Variants in SBK2 observed in about 807,000 individuals in gnomAD.
SBK2 encodes the protein serine/threonine-protein kinase SBK2.
A neutral mutation model predicts 15.9 loss-of-function variants in SBK2; 18 were observed. The ratio of observed to expected loss-of-function variants is 1.13; its 90% CI spans 0.78 to 1.68. The LOEUF is 1.68. SBK2 is among the 40% of genes most tolerant of loss of function. The probability of loss-of-function intolerance (pLI) is 0.00; values close to 1 mark genes in which losing one functional copy is unlikely to be tolerated. For synonymous variants in SBK2, 284 were observed against 246.8 expected (o/e 1.15, Z -1.41); for missense variants, 581 against 510.9 (o/e 1.14, Z -1.32).
intron 2 of SBK2, among the ~76,000 whole-genome samples, chr19:55,531,624 C>T (rs969560347): frequency 3.3e-5 from 5 of 152,164 alleles, no homozygotes; most frequent in African/African-American, 9.7e-5. Context: ...TGGGAGGATC[C>T]GTTGAGGCCA....
At chr19:55,532,793 G>A (rs1301647666) in intron 2 of SBK2, among the ~76,000 whole-genome samples, 1 of 151,730 alleles carries the variant, frequency 6.6e-6, no homozygotes, top group Non-Finnish European at 1.5e-5. Flanking sequence ...TTTTTTCCCT[G>A]ACACCAGAAA....
chr19:55,528,819 C>T lies in SBK2; in HGVS notation c.*914G>A, dbSNP rs574315530. Among the ~76,000 whole-genome samples, 154 of 152,270 alleles carry T rather than the reference C, an allele frequency of 1.0e-3. 3 individuals carry two copies. The highest frequency in any genetic ancestry group is 8.3e-3 in the South Asian group (40 of 4,828). On this transcript the variant is annotated 3_prime_UTR_variant, in exon 4 of 4. Coordinates refer to ENST00000413299, the MANE Select transcript of SBK2 (RefSeq NM_001370096.2). ...TTTCCTGATCCCTGCTGCAGGCCAT[C>T]GCTGAGTACATGGGGTCTGTCAGCA...
At position 55,529,225 on chromosome 19, in the gene SBK2, C is replaced by T. The variant is rs1337652406; in HGVS notation, c.*508G>A. 6.6e-6 allele frequency among the ~76,000 whole-genome samples: 1 copy of T among 151,148 alleles called. No individual in the cohort carries two copies. Among genetic ancestry groups the T allele is most frequent in the Non-Finnish European group, 1.5e-5 (1 of 67,916 alleles). ...CCTGGGCAACATAGCAAGACCCCTCCATCTCTAAAAAAAGTTAAAAATTAG... is the reference window on the plus strand; with the variant it reads ...CCTGGGCAACATAGCAAGACCCCTCTATCTCTAAAAAAAGTTAAAAATTAG... On this transcript the variant is annotated 3_prime_UTR_variant, in exon 4 of 4. Coordinates refer to ENST00000413299, the MANE Select transcript of SBK2 (RefSeq NM_001370096.2).
At position 55,529,676 on chromosome 19, in the gene SBK2, T is replaced by C; in HGVS notation, c.*57A>G. 6.4e-7 allele frequency: 1 copy of C among 1,564,544 alleles called. No homozygotes were observed. The highest frequency in any genetic ancestry group is 8.6e-7 in the Non-Finnish European group (1 of 1,163,784). ...CACACCGAGGAGACACCAAAAGCCG[T>C]TGGCCTTGGGGGCCTCGGGTGGGGC... On this transcript the variant is annotated 3_prime_UTR_variant, in exon 4 of 4. Coordinates refer to ENST00000413299, the MANE Select transcript of SBK2 (RefSeq NM_001370096.2).
At chr19:55,534,761 A>G (rs1228511599) in intron 2 of SBK2, among the ~76,000 whole-genome samples, 1 of 150,902 alleles carries the variant, frequency 6.6e-6, no homozygotes, top group Non-Finnish European at 1.5e-5. Flanking sequence ...ACAGTGGCTC[A>G]CACCTGTAAT....
Position 55,530,031 on chromosome 19 carries a change from C to A in SBK2, c.749G>T (p.Gly250Val). ...IQPALDAWAL[G>V]VLLFCLLTGY... is the part of the protein sequence containing the mutation. ...CGTGAGGAGGCAGAAGAGCAGGACG[C>A]CCAGCGCCCAGGCGTCCAGGGCGGG... The change falls in exon 4 of 4, where the codon GGC becomes GTC. Residue 250 changes from glycine to valine, a missense_variant. Gly to Val is a moderately radical substitution (Grantham distance 109). Coordinates refer to ENST00000413299, the MANE Select transcript of SBK2 (RefSeq NM_001370096.2). 1 of 1,497,204 alleles carries A rather than the reference C, an allele frequency of 6.7e-7. No homozygotes were observed. Among genetic ancestry groups the A allele is most frequent in the South Asian group, 1.3e-5 (1 of 78,712 alleles). The allele number at this position is 1,497,204 out of a possible 1,614,324, so 92.7% of individuals were successfully genotyped here.
At chr19:55,534,844 G>A (rs1290281370) in intron 2 of SBK2, among the ~76,000 whole-genome samples, 1 of 151,322 alleles carries the variant, frequency 6.6e-6, no homozygotes, top group Non-Finnish European at 1.5e-5. Context: ...GGCTAACATG[G>A]TGAAACCCCA....
At position 55,530,119 on chromosome 19, in the gene SBK2, T is replaced by TGGGCGGCCCGGCCAGGC; in HGVS notation, c.644_660dup (p.Ile221AlafsTer104). ...CAGAGCTCGGGGGCCGTGTAGGGGA[T>TGGGCGGCCCGGCCAGGC]GGGCGGCCCGGCCAGGCGCAGCAGC... On this transcript the variant is annotated frameshift_variant, in exon 4 of 4. Coordinates refer to ENST00000413299, the MANE Select transcript of SBK2 (RefSeq NM_001370096.2). LOFTEE classifies it low-confidence loss of function (END_TRUNC). The TGGGCGGCCCGGCCAGGC allele has an allele frequency of 2.1e-6, 3 of 1,458,554 alleles. No homozygotes were observed. Among genetic ancestry groups the TGGGCGGCCCGGCCAGGC allele is most frequent in the Non-Finnish European group, 2.7e-6 (3 of 1,109,866 alleles). 90.4% of individuals were successfully genotyped at this position (1,458,554 alleles called of 1,614,324 possible).
intron 2 of SBK2, among the ~76,000 whole-genome samples, chr19:55,531,642 G>C (rs1988270773): frequency 6.6e-6 from 1 of 152,192 alleles, no homozygotes; most frequent in African/African-American, 2.4e-5. Context: ...CCAGGAGTTT[G>C]AGACCAGCTC....
In SBK2 at chr19:55,530,044, C is replaced by G; in HGVS notation, c.736G>C (p.Ala246Pro). Residue 246 changes from alanine (A) to proline (P), a missense_variant, in exon 4 of 4, where the codon GCC becomes CCC. Physicochemically the swap from Ala to Pro is conservative, Grantham distance 27. Coordinates refer to ENST00000413299, the MANE Select transcript of SBK2 (RefSeq NM_001370096.2). ...AAGAGCAGGACGCCCAGCGCCCAGG[C>G]GTCCAGGGCGGGCTGAATGGGCAGG... ...EGLPIQPALD[A>P]WALGVLLFCL... 1.4e-6 allele frequency: 2 copies of G among 1,477,102 alleles called. No homozygotes were observed. Among genetic ancestry groups the G allele is most frequent in the Non-Finnish European group, 1.8e-6 (2 of 1,118,808 alleles). The allele number at this position is 1,477,102 out of a possible 1,614,324, so 91.5% of individuals were successfully genotyped here. A position where few individuals can be genotyped will look rare whatever the true frequency, so the allele number is the denominator to read the frequency against.
At chr19:55,536,443 G>A (rs1988408702) in intron 1 of SBK2, 147 bp from the exon 2 acceptor site, 2 of 658,982 alleles carry the variant, frequency 3.0e-6, no homozygotes, top group Non-Finnish European at 4.5e-6. Flanking sequence ...TTGGTGAGAG[G>A]TGGGGAGACA....
chr19:55,531,024 GT>G, intron 3 of SBK2, 118 bp downstream of exon 3: 3 of 887,816 alleles, frequency 3.4e-6, no homozygotes, highest in Non-Finnish European at 5.3e-6. Context: ...CCTCCGGGGG[GT>G]AGGGGAGGCC....
rs916422942 is a variant in SBK2 at position 55,530,087 on chromosome 19, G to A, written c.693C>T (p.Pro231=). 1.4e-6 allele frequency: 2 copies of A among 1,440,892 alleles called. No homozygotes were observed. Among genetic ancestry groups the A allele is most frequent in the Admixed American group, 5.6e-5 (2 of 35,598 alleles). 89.3% of individuals were successfully genotyped at this position (1,440,892 alleles called of 1,614,324 possible). A position where few individuals can be genotyped will look rare whatever the true frequency, so the allele number is the denominator to read the frequency against. The change falls in exon 4 of 4, where the codon CCC becomes CCT. Residue 231 remains proline (P), a synonymous_variant. Transcript: ENST00000413299. The stretch of plus-strand genomic sequence containing the variant: ...TGGGCAGGCCCTCGGGGAGCGGCGG[G>A]GGCGCGCAGAGCTCGGGGGCCGTGT... ...IPYTAPELCA[P]PPLPEGLPIQ... is the part of the protein sequence containing the mutation.
chr19:55,532,618 T>TTA (rs1988300089), intron 2 of SBK2, among the ~76,000 whole-genome samples: 1 of 136,124 alleles, frequency 7.3e-6, no homozygotes, highest in Non-Finnish European at 1.6e-5. Flanking sequence ...TTTTTTTTTT[T>TTA]AAGACAGGGT....
chr19:55,535,294 A>G (rs1336736458), intron 2 of SBK2, among the ~76,000 whole-genome samples: 1 of 152,150 alleles, frequency 6.6e-6, no homozygotes, highest in Non-Finnish European at 1.5e-5. Context: ...CTTGGCAGAA[A>G]GGCCCAGGGT....
At chr19:55,530,381 C>A in intron 3 of SBK2, 58 bp from the exon 4 acceptor site, 1 of 1,374,342 alleles carries the variant, frequency 7.3e-7, no homozygotes, top group South Asian at 1.6e-5. Context: ...AACCGAGACC[C>A]AGGAAGCAGG....
In SBK2 at chr19:55,533,659, C is replaced by CAAAAAA. The variant is rs71181785; in HGVS notation, c.254-2320_254-2315dup. 2.2e-3 allele frequency among the ~76,000 whole-genome samples: 74 copies of CAAAAAA among 33,890 alleles called. 9 individuals are homozygous for CAAAAAA. The highest frequency in any genetic ancestry group is 5.1e-3 in the East Asian group (3 of 586). The allele number at this position is 33,890 out of a possible 152,430, so 22.2% of individuals were successfully genotyped here. The stretch of plus-strand genomic sequence containing the variant: ...TGGGCGACAGAGCGAGACTCCGTCT[C>CAAAAAA]AAAAAAAAAAAAAAAAAAAAAAAAA... On this transcript the variant is annotated intron_variant, in intron 2 of 3. Coordinates refer to ENST00000413299, the MANE Select transcript of SBK2 (RefSeq NM_001370096.2).
chr19:55,533,977 T>C (rs1387692063), intron 2 of SBK2, among the ~76,000 whole-genome samples: 2 of 152,152 alleles, frequency 1.3e-5, no homozygotes, highest in Admixed American at 6.5e-5. Flanking sequence ...AGGGGCCTCA[T>C]TGGCAATGCC....
chr19:55,530,174 G>A lies in SBK2; in HGVS notation c.606C>T (p.Thr202=), dbSNP rs1988216287. Residue 202 remains threonine, a synonymous_variant, in exon 4 of 4, where the codon ACC becomes ACT. Coordinates refer to ENST00000413299, the MANE Select transcript of SBK2 (RefSeq NM_001370096.2). ...CGCGAGGCCTCGTGTGGCCGAAGTCGGTCAGCTTGAAGCGCCGGCAGGCCG... is the reference window on the plus strand; with the variant it reads ...CGCGAGGCCTCGTGTGGCCGAAGTCAGTCAGCTTGAAGCGCCGGCAGGCCG... ...CDPACRRFKL[T]DFGHTRPRGT... 2.6e-6 allele frequency: 4 copies of A among 1,528,326 alleles called. No homozygotes were observed. Among genetic ancestry groups the A allele is most frequent in the South Asian group, 1.2e-5 (1 of 81,852 alleles). 94.7% of individuals were successfully genotyped at this position (1,528,326 alleles called of 1,614,324 possible).
Sources: gnomAD v4.1 joint callset for allele counts (sites outside exome capture counted in the v4.1 genomes callset) on GRCh38, gnomAD v4.1.1 for gene constraint, MANE v1.5 for transcripts, NCBI Gene and HGNC (gene_info 2026-07-23, HGNC 2026-07-21) for gene names.